ZNF438: variants seen among roughly 807,000 people sequenced by gnomAD.
ZNF438 encodes zinc finger protein 438.
In ZNF438, 25 loss-of-function variants were observed where a neutral mutation model predicts 38.0. That is an observed-to-expected ratio of 0.66 (90% CI 0.48 to 0.92). The LOEUF is 0.92. Among genes scored for constraint, ZNF438 ranks in the 40% least tolerant of loss-of-function variants. ZNF438 has a pLI of 0.00. For synonymous variants in ZNF438, 372 were observed against 364.1 expected (o/e 1.02, Z -0.25); for missense variants, 1,007 against 999.6 (o/e 1.01, Z -0.10).
intron 3 of ZNF438, among the ~76,000 whole-genome samples, chr10:30,896,045 T>C (rs948221367): frequency 4.6e-5 from 7 of 152,168 alleles, no homozygotes; most frequent in African/African-American, 1.7e-4. Flanking sequence ...CTCACGCCTG[T>C]AATCCCAGTA....
In ZNF438 at chr10:30,962,049, T is replaced by C. The variant is rs543219825; in HGVS notation, c.-191-20398A>G. Among the ~76,000 whole-genome samples, 11 of 147,228 alleles carry C rather than the reference T, an allele frequency of 7.5e-5. 2 individuals carry two copies. The highest frequency in any genetic ancestry group is 3.9e-4 in the East Asian group (2 of 5,194). ...CAGTTTAGGTCTTTTAATTTGCTTT[T>C]TCTTCTTAAGGTTACAAAAGCGAAA... On this transcript the variant is annotated intron_variant, in intron 1 of 5. Coordinates refer to ENST00000413025, the Ensembl canonical transcript of ZNF438.
chr10:30,976,691 C>G (rs1006740623), intron 1 of ZNF438, among the ~76,000 whole-genome samples: 3 of 151,472 alleles, frequency 2.0e-5, no homozygotes, highest in Admixed American at 2.0e-4. Flanking sequence ...GAGCTATGAT[C>G]GTGCCTCTGC....
chr10:30,967,544 A>G (rs1176524274), intron 1 of ZNF438, among the ~76,000 whole-genome samples: 2 of 152,242 alleles, frequency 1.3e-5, no homozygotes, highest in Non-Finnish European at 2.9e-5. Flanking sequence ...ATTCAACCAG[A>G]AAGTCACTAA....
At chr10:30,885,252 T>C (rs899325256) in intron 3 of ZNF438, among the ~76,000 whole-genome samples, 1 of 152,216 alleles carries the variant, frequency 6.6e-6, no homozygotes, top group East Asian at 1.9e-4. Flanking sequence ...TAAGATAATG[T>C]TACTAACCTA....
At chr10:30,998,966 A>G (rs1401156162) in intron 1 of ZNF438, among the ~76,000 whole-genome samples, 1 of 152,236 alleles carries the variant, frequency 6.6e-6, no homozygotes, top group Non-Finnish European at 1.5e-5. Context: ...GTGCAATGAT[A>G]GCTTTGATTC....
chr10:30,964,119 T>C (rs998395716), intron 1 of ZNF438, among the ~76,000 whole-genome samples: 3 of 152,196 alleles, frequency 2.0e-5, no homozygotes, highest in African/African-American at 7.2e-5. Context: ...AATAAGTCAC[T>C]GATGAAGAAA....
At chr10:31,011,703 T>C (rs1023505054) in intron 1 of ZNF438, among the ~76,000 whole-genome samples, 1 of 152,220 alleles carries the variant, frequency 6.6e-6, no homozygotes, top group Non-Finnish European at 1.5e-5. Flanking sequence ...AATTCCCATA[T>C]GTTATTTGTG....
chr10:30,953,279 C>A (rs975080131), intron 1 of ZNF438, among the ~76,000 whole-genome samples: 2 of 151,854 alleles, frequency 1.3e-5, no homozygotes, highest in Non-Finnish European at 2.9e-5. Flanking sequence ...GGAGGGATAA[C>A]ATTGGGAGAT....
rs114166200 is a variant in ZNF438 at position 30,883,650 on chromosome 10, C to T, written c.-31-6585G>A. 5.3e-3 allele frequency among the ~76,000 whole-genome samples: 812 copies of T among 152,138 alleles called. 7 individuals carry two copies. The highest frequency in any genetic ancestry group is 0.019 in the African/African-American group (780 of 41,502). ...CTTTTGGGGGCAGAGGTGGAAGCAT[C>T]GCCTAAGCCCAGAGTTTGAGACCAG... is the stretch of plus-strand genomic sequence containing the variant. On this transcript the variant is annotated intron_variant, in intron 3 of 5. Coordinates refer to ENST00000413025, the Ensembl canonical transcript of ZNF438.
chr10:30,996,642 A>G (rs2054075837), intron 1 of ZNF438, among the ~76,000 whole-genome samples: 1 of 151,856 alleles, frequency 6.6e-6, no homozygotes, highest in Admixed American at 6.6e-5. Context: ...ATACTAGATA[A>G]AACCACCAGG....
At chr10:31,005,904 T>A (rs764454520) in intron 1 of ZNF438, among the ~76,000 whole-genome samples, 3 of 152,222 alleles carry the variant, frequency 2.0e-5, no homozygotes, top group African/African-American at 7.2e-5. Flanking sequence ...GGTTAAAATA[T>A]CAGCTCTTTC....
At chr10:30,861,662 C>T (rs2035600645) in intron 4 of ZNF438, among the ~76,000 whole-genome samples, 1 of 134,582 alleles carries the variant, frequency 7.4e-6, no homozygotes, top group Non-Finnish European at 1.6e-5. Flanking sequence ...ATTTCTTCTT[C>T]ATTCTAATTA....
rs535772012 is a variant in ZNF438, at chr10:30,934,527, C to G, written c.-115+7048G>C. Among the ~76,000 whole-genome samples the G allele has an allele frequency of 1.1e-4, 17 of 152,342 alleles. No homozygotes were observed. The South Asian group carries it at 3.1e-3, about 28-fold the overall frequency. ...AGCATTTGTAAGTTGATATTAATAGCTCATAACTGTCTTGCAGTACTCACC... is the reference window on the plus strand; with the variant it reads ...AGCATTTGTAAGTTGATATTAATAGGTCATAACTGTCTTGCAGTACTCACC... On this transcript the variant is annotated intron_variant, in intron 2 of 5. Coordinates refer to ENST00000413025, the Ensembl canonical transcript of ZNF438.
At chr10:30,963,480 A>G (rs10160132) in intron 1 of ZNF438, among the ~76,000 whole-genome samples, 60,554 of 151,476 alleles carry the variant, frequency 0.4, 12,374 homozygotes, top group Admixed American at 0.44. Flanking sequence ...ACAAATATCG[A>G]TAGCCACCTA....
At chr10:30,924,371 T>C (rs1435444274) in intron 2 of ZNF438, among the ~76,000 whole-genome samples, 2 of 152,116 alleles carry the variant, frequency 1.3e-5, no homozygotes, top group East Asian at 1.9e-4. Context: ...AATGTAACGA[T>C]GTGTGAGAAA....
chr10:30,901,622 G>A (rs1473982676), intron 3 of ZNF438, among the ~76,000 whole-genome samples: 2 of 152,130 alleles, frequency 1.3e-5, no homozygotes, highest in East Asian at 1.9e-4. Context: ...ACTGCTTGGC[G>A]ATAGGCAATT....
chr10:30,912,704 G>C (rs1411733666), intron 2 of ZNF438, among the ~76,000 whole-genome samples: 1 of 152,036 alleles, frequency 6.6e-6, no homozygotes, highest in African/African-American at 2.4e-5. Flanking sequence ...CATTGGACAA[G>C]TCTCTTAACA....
chr10:30,951,896 A>G (rs1589385070), intron 1 of ZNF438, among the ~76,000 whole-genome samples: 1 of 152,014 alleles, frequency 6.6e-6, no homozygotes, highest in Admixed American at 6.6e-5. Flanking sequence ...TTGGAAAAAA[A>G]CTACTTTAAA....
intron 1 of ZNF438, among the ~76,000 whole-genome samples, chr10:31,024,559 C>A (rs1482854627): frequency 6.6e-6 from 1 of 151,802 alleles, no homozygotes; most frequent in African/African-American, 2.4e-5. Flanking sequence ...ACCCGGGAGG[C>A]GGAGCTTGCA....
Sources: allele counts gnomAD v4.1 joint callset (sites outside exome capture counted in the v4.1 genomes callset), GRCh38; gene constraint gnomAD v4.1.1; transcripts MANE v1.5; gene names NCBI Gene and HGNC (gene_info 2026-07-23, HGNC 2026-07-21).